Variants in AXDND1 observed in about 807,000 individuals in gnomAD.
AXDND1 encodes the protein axonemal dynein light chain domain containing 1.
AXDND1 carries 110 observed loss-of-function variants against 137.5 expected under a neutral mutation model. That is an observed-to-expected ratio of 0.80 (90% CI 0.69 to 0.94). The LOEUF (loss-of-function observed/expected upper bound fraction) is 0.94, where lower values mean the gene tolerates loss of function less well. Ranked by LOEUF, AXDND1 falls within the 40% of genes least tolerant of loss-of-function variation. The pLI is 0.00. For synonymous variants in AXDND1, 414 were observed against 399.7 expected (o/e 1.04, Z -0.43); for missense variants, 1,191 against 1,169.8 (o/e 1.02, Z -0.26).
chr1:179,485,573 C>T (rs1665941249), intron 18 of AXDND1, among the ~76,000 whole-genome samples: 1 of 152,184 alleles, frequency 6.6e-6, no homozygotes, highest in African/African-American at 2.4e-5. Flanking sequence ...ACTGAAGGAA[C>T]ATCAGCTCAC....
In AXDND1 at chr1:179,411,260, C is replaced by G; in HGVS notation, c.1224C>G (p.Ala408=). 6.2e-7 allele frequency: 1 copy of G among 1,607,944 alleles called. No homozygotes were observed. The highest frequency in any genetic ancestry group is 8.5e-7 in the Non-Finnish European group (1 of 1,178,334). ...GGAGCTCAGCCACATATGAATTGGCCCTGAAGGTTAGTTCATCTGGATTCA... is the reference window on the plus strand; with the variant it reads ...GGAGCTCAGCCACATATGAATTGGCGCTGAAGGTTAGTTCATCTGGATTCA... ...DIWSSATYEL[A]LKVIERNRVI... Residue 408 remains alanine (A), a synonymous_variant, in exon 12 of 26, where the codon GCC becomes GCG. Coordinates refer to ENST00000367618, the MANE Select transcript of AXDND1 (RefSeq NM_144696.6).
At chr1:179,512,520 T>C (rs1669153390) in intron 21 of AXDND1, among the ~76,000 whole-genome samples, 1 of 152,200 alleles carries the variant, frequency 6.6e-6, no homozygotes, top group Non-Finnish European at 1.5e-5. Flanking sequence ...TTGTTCTTCA[T>C]GCTTAGTCTT....
intron 25 of AXDND1, among the ~76,000 whole-genome samples, chr1:179,542,172 T>C (rs1323452503): frequency 6.6e-6 from 1 of 152,234 alleles, no homozygotes; most frequent in African/African-American, 2.4e-5. Context: ...TTCTAATTAG[T>C]GCTGCAATAT....
At chr1:179,409,838 CA>C (rs1653583777) in intron 11 of AXDND1, among the ~76,000 whole-genome samples, 1 of 151,878 alleles carries the variant, frequency 6.6e-6, no homozygotes, top group Non-Finnish European at 1.5e-5. Flanking sequence ...CGAAACAAAA[CA>C]AAAATAATAT....
chr1:179,479,279 C>G (rs942297960), intron 17 of AXDND1, among the ~76,000 whole-genome samples: 1 of 150,444 alleles, frequency 6.6e-6, no homozygotes, highest in African/African-American at 2.4e-5. Flanking sequence ...GAGTTCGAGG[C>G]CAGCCTGACC....
intron 9 of AXDND1, among the ~76,000 whole-genome samples, chr1:179,391,060 GC>G (rs1390837210): frequency 6.6e-6 from 1 of 150,404 alleles, no homozygotes; most frequent in African/African-American, 2.4e-5. Context: ...CCCACCTCGG[GC>G]CCCCAAAGTG....
intron 9 of AXDND1, among the ~76,000 whole-genome samples, chr1:179,391,211 C>G (rs989486843): frequency 6.7e-6 from 1 of 148,800 alleles, no homozygotes; most frequent in African/African-American, 2.5e-5. Context: ...TGCATATTTT[C>G]TATCTTTTTT....
chr1:179,552,538 G>A, intron 25 of AXDND1: 4 of 1,267,802 alleles, frequency 3.2e-6, no homozygotes, highest in Non-Finnish European at 4.6e-6. Flanking sequence ...GGAAGCAAAG[G>A]GGAAATGTTC....
rs1405203348 is a variant in AXDND1 at position 179,551,355 on chromosome 1, G to T, written c.3032-3157G>T. 3.1e-6 allele frequency: 5 copies of T among 1,614,012 alleles called. No homozygotes were observed. In the South Asian group the frequency reaches 5.5e-5, roughly 18 times the overall value. ...GTGGACAGAGACTGAAGGGTGTGGA[G>T]GTATCGAAGCTGAACGGCAGCAGGG... On this transcript the variant is annotated intron_variant, in intron 25 of 25. Coordinates refer to ENST00000367618, the MANE Select transcript of AXDND1 (RefSeq NM_144696.6).
intron 22 of AXDND1, among the ~76,000 whole-genome samples, chr1:179,526,218 C>T (rs1414314541): frequency 6.6e-6 from 1 of 151,956 alleles, no homozygotes; most frequent in African/African-American, 2.4e-5. Flanking sequence ...TCAACCCCCG[C>T]AGGGGCATTT....
At chr1:179,551,030 T>G (rs1399287405) in intron 25 of AXDND1, 5 of 915,542 alleles carry the variant, frequency 5.5e-6, no homozygotes, top group Non-Finnish European at 8.6e-6. Context: ...TTCTCATGGA[T>G]GGTGCATTGT....
At chr1:179,402,321 A>G (rs950862920) in intron 11 of AXDND1, among the ~76,000 whole-genome samples, 1 of 152,050 alleles carries the variant, frequency 6.6e-6, no homozygotes, top group Non-Finnish European at 1.5e-5. Flanking sequence ...GGTGACTTCT[A>G]TACTTAGTCT....
chr1:179,468,384 TA>T lies in AXDND1; in HGVS notation c.1799-58del, dbSNP rs557015552. The T allele has an allele frequency of 4.9e-4, 579 of 1,173,618 alleles. 5 individuals are homozygous for T. In the East Asian group the frequency reaches 0.014, roughly 29 times the overall value. 72.7% of individuals were successfully genotyped at this position (1,173,618 alleles called of 1,614,324 possible). A position where few individuals can be genotyped will look rare whatever the true frequency, so the allele number is the denominator to read the frequency against. On this transcript the variant is annotated intron_variant, in intron 16 of 25. Coordinates refer to ENST00000367618, the MANE Select transcript of AXDND1 (RefSeq NM_144696.6). ...TGCTCAGTAGGATTTTATAATTTGGTATTAAAATAGTAGTCTTACAAATATT... is the reference window on the plus strand; with the variant it reads ...TGCTCAGTAGGATTTTATAATTTGGTTTAAAATAGTAGTCTTACAAATATT...
intron 21 of AXDND1, among the ~76,000 whole-genome samples, chr1:179,511,393 GGT>G (rs59772845): frequency 0.03 from 4,357 of 145,038 alleles, 75 homozygotes; most frequent in African/African-American, 0.036. Context: ...TGGTATATGG[GGT>G]GTGTGTGTGT....
intron 18 of AXDND1, among the ~76,000 whole-genome samples, chr1:179,488,684 T>C (rs1206766238): frequency 7.5e-6 from 1 of 132,856 alleles, no homozygotes; most frequent in Non-Finnish European, 1.6e-5. Context: ...TCTTTCTTTC[T>C]TTCTTTCTTT....
chr1:179,469,694 TATC>T (rs1663684068), intron 17 of AXDND1, among the ~76,000 whole-genome samples: 1 of 152,218 alleles, frequency 6.6e-6, no homozygotes, highest in South Asian at 2.1e-4. Flanking sequence ...CAATACTTAT[TATC>T]TGACTTTTGA....
chr1:179,385,578 C>A (rs761314794), intron 9 of AXDND1, among the ~76,000 whole-genome samples: 7 of 152,054 alleles, frequency 4.6e-5, no homozygotes, highest in African/African-American at 7.2e-5. Context: ...ACAGTGAGAC[C>A]TGATGCAGAT....
At chr1:179,475,160 C>T (rs1664455098) in intron 17 of AXDND1, among the ~76,000 whole-genome samples, 1 of 152,234 alleles carries the variant, frequency 6.6e-6, no homozygotes, top group African/African-American at 2.4e-5. Flanking sequence ...GAGGTATAGC[C>T]CTCATGGAGA....
chr1:179,422,045 GAA>G lies in AXDND1; in HGVS notation c.1231-7457_1231-7456del, dbSNP rs71111997. ...ACAAGAACGAAACTCCATCTCAAAAGAAAAAAAAAAAAAAAAACAGCAGCTTT... is the reference window on the plus strand; with the variant it reads ...ACAAGAACGAAACTCCATCTCAAAAGAAAAAAAAAAAAAAACAGCAGCTTT... On this transcript the variant is annotated intron_variant, in intron 12 of 25. Coordinates refer to ENST00000367618, the MANE Select transcript of AXDND1 (RefSeq NM_144696.6). Among the ~76,000 whole-genome samples the G allele has an allele frequency of 9.7e-3, 1,265 of 130,124 alleles. 16 individuals are homozygous for G. Among genetic ancestry groups the G allele is most frequent in the African/African-American group, 0.03 (1,045 of 35,010 alleles). 85.4% of individuals were successfully genotyped at this position (130,124 alleles called of 152,430 possible).
Sources: gnomAD v4.1 joint callset for allele counts (sites outside exome capture counted in the v4.1 genomes callset) on GRCh38, gnomAD v4.1.1 for gene constraint, MANE v1.5 for transcripts, NCBI Gene and HGNC (gene_info 2026-07-23, HGNC 2026-07-21) for gene names.